Variants in GTF3C1 observed in about 807,000 individuals in gnomAD.
GTF3C1 encodes the protein general transcription factor 3C polypeptide 1.
In GTF3C1, 57 loss-of-function variants were observed where a neutral mutation model predicts 226.7. The ratio of observed to expected loss-of-function variants is 0.25; its 90% CI spans 0.20 to 0.31. The LOEUF (loss-of-function observed/expected upper bound fraction) is 0.31, where lower values mean the gene tolerates loss of function less well. GTF3C1 is among the 10% of genes least tolerant of loss of function. GTF3C1 has a pLI of 1.00. For missense variants in GTF3C1, 2,217 were observed against 2,776.1 expected, an observed-to-expected ratio of 0.80 and a Z score of 4.53; for synonymous variants, 1,090 against 1,084.8, an observed-to-expected ratio of 1.00 and a Z score of -0.09.
In GTF3C1 at chr16:27,464,843, A is replaced by G; in HGVS notation, c.5356-7T>C. ...GATGCTGCTCCAGGAGGGCCTGGGGAGGCAGGAGACACGCGGGGTCTGTGG... is the reference window on the plus strand; with the variant it reads ...GATGCTGCTCCAGGAGGGCCTGGGGGGGCAGGAGACACGCGGGGTCTGTGG... On this transcript the variant is annotated splice_region_variant and splice_polypyrimidine_tract_variant and intron_variant, in intron 33 of 36. Coordinates refer to ENST00000356183, the MANE Select transcript of GTF3C1 (RefSeq NM_001520.4). 1 of 1,499,446 alleles carries G rather than the reference A, an allele frequency of 6.7e-7. No homozygotes were observed. Among genetic ancestry groups the G allele is most frequent in the Admixed American group, 2.3e-5 (1 of 43,796 alleles). 92.9% of individuals were successfully genotyped at this position (1,499,446 alleles called of 1,614,324 possible). A position where few individuals can be genotyped will look rare whatever the true frequency, so the allele number is the denominator to read the frequency against.
intron 34 of GTF3C1, chr16:27,464,011 G>T: frequency 6.9e-6 from 3 of 431,808 alleles, no homozygotes; most frequent in Non-Finnish European, 8.1e-6. Flanking sequence ...ACCCGAGGAA[G>T]TTGAGACCCC....
At chr16:27,535,190 A>G (rs186966285) in intron 4 of GTF3C1, among the ~76,000 whole-genome samples, 1 of 152,368 alleles carries the variant, frequency 6.6e-6, no homozygotes, top group East Asian at 1.9e-4. Context: ...AATTAACTGT[A>G]ATACACAGTG....
chr16:27,470,416 A>T lies in GTF3C1; in HGVS notation c.4527-21T>A. 1 of 1,604,852 alleles carries T rather than the reference A, an allele frequency of 6.2e-7. No individual in the cohort carries two copies. Among genetic ancestry groups the T allele is most frequent in the Non-Finnish European group, 8.5e-7 (1 of 1,174,078 alleles). On this transcript the variant is annotated intron_variant, in intron 30 of 36. Transcript: ENST00000356183. This position sits in a 1 kb window ranked among gnomAD's most constrained non-coding sequence, Gnocchi z 4.9. ...AAATCCTACAGACAAAAAGAAAGGA[A>T]GGGCCTGACTGAGGGCCAGCTGTGG...
chr16:27,487,266 A>G (rs941636943), intron 23 of GTF3C1, among the ~76,000 whole-genome samples: 1 of 152,260 alleles, frequency 6.6e-6, no homozygotes, highest in Non-Finnish European at 1.5e-5. Flanking sequence ...TATGAACGCC[A>G]GCCAAATAAA....
chr16:27,514,693 T>C (rs2088629602), intron 6 of GTF3C1, among the ~76,000 whole-genome samples: 1 of 152,094 alleles, frequency 6.6e-6, no homozygotes, highest in Non-Finnish European at 1.5e-5. Flanking sequence ...GAACTGACCC[T>C]CACCATGGCC....
chr16:27,464,280 G>A, intron 34 of GTF3C1, 40 bp downstream of exon 34: 1 of 1,362,792 alleles, frequency 7.3e-7, no homozygotes. Flanking sequence ...GGGAAAGCCA[G>A]GGTGGGGTGA....
rs997182239 is a variant in GTF3C1 at position 27,470,573 on chromosome 16, T to C, written c.4527-178A>G. 9 of 603,892 alleles carry C rather than the reference T, an allele frequency of 1.5e-5. No homozygotes were observed. The highest frequency in any genetic ancestry group is 2.3e-5 in the Non-Finnish European group (8 of 341,570). The allele number at this position is 603,892 out of a possible 1,614,324, so 37.4% of individuals were successfully genotyped here. A position where few individuals can be genotyped will look rare whatever the true frequency, so the allele number is the denominator to read the frequency against. On this transcript the variant is annotated intron_variant, in intron 30 of 36. Coordinates refer to ENST00000356183, the MANE Select transcript of GTF3C1 (RefSeq NM_001520.4). The surrounding 1 kb of genome is among the most constrained non-coding windows in gnomAD (Gnocchi z 4.9). ...GTGCTGCATTCCCACCTAGCGGTGT[T>C]TGTGTCTCTCTTCCCCGCTTGCCTG...
intron 19 of GTF3C1, 56 bp from the exon 20 acceptor site, chr16:27,489,799 G>A: frequency 1.3e-6 from 2 of 1,566,648 alleles, no homozygotes; most frequent in Non-Finnish European, 1.7e-6. Flanking sequence ...AGCTCTGGTG[G>A]CTACTACCTC....
chr16:27,508,466 G>C (rs1340285931), intron 8 of GTF3C1, 74 bp downstream of exon 8: 1 of 1,169,626 alleles, frequency 8.5e-7, no homozygotes, highest in African/African-American at 1.5e-5. Flanking sequence ...TCTTCTGACT[G>C]AGATGCTCGT....
chr16:27,523,171 T>C (rs1167218709), intron 6 of GTF3C1, among the ~76,000 whole-genome samples: 3 of 152,182 alleles, frequency 2.0e-5, no homozygotes, highest in Non-Finnish European at 4.4e-5. Context: ...TTCTCTCCCT[T>C]TCTCTTCTCA....
At chr16:27,493,148 A>T in intron 17 of GTF3C1, 51 bp downstream of exon 17, 1 of 934,680 alleles carries the variant, frequency 1.1e-6, no homozygotes, top group Non-Finnish European at 1.8e-6. Context: ...GCCCTGACTT[A>T]AGGGTTTGTT....
At position 27,462,462 on chromosome 16, in the gene GTF3C1, G is replaced by A. The variant is rs777942610; in HGVS notation, c.5949C>T (p.Ile1983=). Residue 1983 remains isoleucine, a synonymous_variant, in exon 36 of 37, where the codon ATC becomes ATT. Coordinates refer to ENST00000356183, the MANE Select transcript of GTF3C1 (RefSeq NM_001520.4). The surrounding 1 kb of genome is among the most constrained non-coding windows in gnomAD (Gnocchi z 4.5). ...RERDCESVCF[I]GRPWRVVDGH... ...CATCCACGACACGCCACGGCCGGCC[G>A]ATGAAGCAGACACTCTCACAGTCCC... is the stretch of plus-strand genomic sequence containing the variant. 30 of 1,613,618 alleles carry A rather than the reference G, an allele frequency of 1.9e-5. No homozygotes were observed. The highest frequency in any genetic ancestry group is 9.3e-5 in the African/African-American group (7 of 74,916).
At position 27,506,002 on chromosome 16, in the gene GTF3C1, G is replaced by A. The variant is rs763175538; in HGVS notation, c.1667C>T (p.Thr556Ile). ...SLASRDSLLD[T>I]SSVSEPNVSF... ...CACGTTGGGTTCTGAGACGCTGCTG[G>A]TATCTAAGAGGCTGTCCCTGCTGGC... The change falls in exon 10 of 37, where the codon ACC (threonine) becomes ATC (isoleucine). Residue 556 changes from threonine (T) to isoleucine (I), a missense_variant. Transcript: ENST00000356183. 1.1e-5 allele frequency: 17 copies of A among 1,612,634 alleles called. No homozygotes were observed. The highest frequency in any genetic ancestry group is 1.4e-5 in the Non-Finnish European group (17 of 1,178,702).
At chr16:27,474,387 C>T (rs758813650) in intron 29 of GTF3C1, among the ~76,000 whole-genome samples, 17 of 152,056 alleles carry the variant, frequency 1.1e-4, no homozygotes, top group Non-Finnish European at 2.4e-4. Context: ...ATGGGCCTGG[C>T]TAGAAGGCAG....
At chr16:27,531,030 C>T (rs1010877208) in intron 5 of GTF3C1, among the ~76,000 whole-genome samples, 6 of 152,320 alleles carry the variant, frequency 3.9e-5, no homozygotes, top group Middle Eastern at 3.4e-3. Context: ...CCATCCCCTT[C>T]CCTCCACCAG....
In GTF3C1 at chr16:27,492,492, A is replaced by G. The variant is rs1476707336; in HGVS notation, c.2997T>C (p.Asn999=). ...KDQVFIFLKK[N]AVIVDTTICD... ...AGATGGTAGTGTCAACAATGACTGC[A>G]TTCTTCTTCAAGAAGATAAAGACCT... is the stretch of plus-strand genomic sequence containing the variant. Residue 999 remains asparagine (N), a synonymous_variant, in exon 19 of 37, where the codon AAT becomes AAC. Coordinates refer to ENST00000356183, the MANE Select transcript of GTF3C1 (RefSeq NM_001520.4). The surrounding 1 kb of genome is among the most constrained non-coding windows in gnomAD (Gnocchi z 5.0). 1 of 1,613,504 alleles carries G rather than the reference A, an allele frequency of 6.2e-7. No individual in the cohort carries two copies. Among genetic ancestry groups the G allele is most frequent in the Non-Finnish European group, 8.5e-7 (1 of 1,179,418 alleles).
At chr16:27,465,824 G>A in intron 32 of GTF3C1, 1 of 458,546 alleles carries the variant, frequency 2.2e-6, no homozygotes, top group South Asian at 2.5e-5. Flanking sequence ...AGGGCACAGA[G>A]GCCGAGGACT....
rs748982012 is a variant in GTF3C1, at chr16:27,549,882, C to A, written c.9G>T (p.Ala3=). MD[A]LESLLDEVAL... is the part of the protein sequence containing the mutation. ...CGACTTCGTCCAACAACGACTCCAG[C>A]GCGTCCATTGCTACTTCAGTCGGCG... The change falls in exon 1 of 37, where the codon GCG becomes GCT. Residue 3 remains alanine, a synonymous_variant. Transcript: ENST00000356183. 1 of 1,611,178 alleles carries A rather than the reference C, an allele frequency of 6.2e-7. No homozygotes were observed. The highest frequency in any genetic ancestry group is 1.7e-5 in the Admixed American group (1 of 59,962).
intron 23 of GTF3C1, 130 bp from the exon 24 acceptor site, chr16:27,486,284 G>GT: frequency 1.8e-6 from 1 of 557,152 alleles, no homozygotes; most frequent in Admixed American, 3.0e-5. Context: ...GATACTCATT[G>GT]TATCTAAAGT....
Sources: gnomAD v4.1 joint callset for allele counts (sites outside exome capture counted in the v4.1 genomes callset) on GRCh38, gnomAD v4.1.1 for gene constraint, Gnocchi (gnomAD v3.1) non-coding constraint, MANE v1.5 for transcripts, NCBI Gene and HGNC (gene_info 2026-07-23, HGNC 2026-07-21) for gene names.